KLRK1: variants seen among roughly 807,000 people sequenced by gnomAD.
KLRK1 encodes the protein killer cell lectin like receptor K1.
KLRK1 carries 40 observed loss-of-function variants against 31.3 expected under a neutral mutation model. The observed-to-expected ratio is 1.28, with a 90% confidence interval of 0.99 to 1.67. The LOEUF (loss-of-function observed/expected upper bound fraction) is 1.67, where lower values mean the gene tolerates loss of function less well. KLRK1 is among the 40% of genes most tolerant of loss of function. The pLI is 0.00. For synonymous variants in KLRK1, 77 were observed against 77.3 expected (o/e 1.00, Z 0.02); for missense variants, 251 against 260.0 (o/e 0.97, Z 0.24).
chr12:10,382,790 A>G (rs1565493582), intron 3 of KLRK1, among the ~76,000 whole-genome samples: 1 of 152,214 alleles, frequency 6.6e-6, no homozygotes, highest in East Asian at 1.9e-4. Context: ...ATTTATTAAG[A>G]GATAGTCAAT....
chr12:10,380,285 T>C (rs1249576703), intron 3 of KLRK1, among the ~76,000 whole-genome samples: 1 of 152,146 alleles, frequency 6.6e-6, no homozygotes, highest in African/African-American at 2.4e-5. Flanking sequence ...CAGGACGGTC[T>C]CGATCTCCTG....
chr12:10,378,708 G>A lies in KLRK1; in HGVS notation c.278-3C>T, dbSNP rs1194983814. ...AGGACATGGGCCACAGTAACTTTCT[G>A]GAAAAGGAGAATATATTATTAATTC... On this transcript the variant is annotated splice_region_variant and splice_polypyrimidine_tract_variant and intron_variant, in intron 5 of 7. Coordinates refer to ENST00000240618, the MANE Select transcript of KLRK1 (RefSeq NM_007360.4). The A allele has an allele frequency of 1.3e-6, 2 of 1,589,644 alleles. No individual in the cohort carries two copies. Among genetic ancestry groups the A allele is most frequent in the East Asian group, 2.2e-5 (1 of 44,628 alleles).
At chr12:10,389,352 T>C (rs932985971) in intron 1 of KLRK1, among the ~76,000 whole-genome samples, 10 of 151,998 alleles carry the variant, frequency 6.6e-5, no homozygotes, top group African/African-American at 2.4e-4. Flanking sequence ...CGTGCCCATA[T>C]CATCATCATC....
chr12:10,372,958 T>G lies in KLRK1; in HGVS notation c.*156A>C. ...AGAATCATGCATGTTTGCAGTGAAA[T>G]TGTTCTATGGTTTGGTCCTGTGGAG... is the stretch of plus-strand genomic sequence containing the variant. On this transcript the variant is annotated 3_prime_UTR_variant, in exon 8 of 8. Transcript: ENST00000240618. The G allele has an allele frequency of 1.6e-6, 1 of 626,000 alleles. No individual in the cohort carries two copies. The highest frequency in any genetic ancestry group is 1.9e-5 in the South Asian group (1 of 51,714). The allele number at this position is 626,000 out of a possible 1,614,324, so 38.8% of individuals were successfully genotyped here.
At chr12:10,378,324 ACT>A in intron 6 of KLRK1, 89 bp from the exon 7 acceptor site, 1 of 1,432,678 alleles carries the variant, frequency 7.0e-7, no homozygotes, top group Non-Finnish European at 9.6e-7. Flanking sequence ...CTGTTCTCAC[ACT>A]TGTAAAAAAA....
chr12:10,374,600 G>A (rs1173182955), intron 7 of KLRK1, among the ~76,000 whole-genome samples: 1 of 150,038 alleles, frequency 6.7e-6, no homozygotes, highest in African/African-American at 2.5e-5. Flanking sequence ...TCACCATGTT[G>A]GCCAAGCTGG....
chr12:10,388,836 C>A lies in KLRK1; in HGVS notation c.-26G>T, dbSNP rs376415496. On this transcript the variant is annotated 5_prime_UTR_variant, in exon 2 of 8. Coordinates refer to ENST00000240618, the MANE Select transcript of KLRK1 (RefSeq NM_007360.4). Reference sequence around the variant, plus strand: ...CAAATACTTATAAGTGCACGTCTACCGCAGAGAGGAATCTAAAGTCTTCAA... The same window carrying A: ...CAAATACTTATAAGTGCACGTCTACAGCAGAGAGGAATCTAAAGTCTTCAA... 6.2e-7 allele frequency: 1 copy of A among 1,613,344 alleles called. No homozygotes were observed. The highest frequency in any genetic ancestry group is 1.7e-5 in the Admixed American group (1 of 59,920).
chr12:10,378,734 T>G, intron 5 of KLRK1, 29 bp from the exon 6 acceptor site: 1 of 1,571,990 alleles, frequency 6.4e-7, no homozygotes, highest in Non-Finnish European at 8.6e-7. Context: ...TTATTAATTC[T>G]ACACATCTGA....
In KLRK1 at chr12:10,379,793, C is replaced by T; in HGVS notation, c.149-1G>A. ...AAGCAGCAGAAAAAAAATGGAGATG[C>T]TGTCAAAGAAAAAAGACACAGATCA... is the stretch of plus-strand genomic sequence containing the variant. On this transcript the variant is annotated splice_acceptor_variant, in intron 3 of 7. Transcript: ENST00000240618. LOFTEE classifies it high-confidence loss of function. 1 of 1,609,448 alleles carries T rather than the reference C, an allele frequency of 6.2e-7. No homozygotes were observed.
chr12:10,389,520 G>C (rs1314044057), intron 1 of KLRK1, among the ~76,000 whole-genome samples: 1 of 152,114 alleles, frequency 6.6e-6, no homozygotes, highest in East Asian at 1.9e-4. Context: ...ATTTGATTAT[G>C]ATAGTTGGAA....
At chr12:10,387,074 TA>T in intron 2 of KLRK1, 64 bp from the exon 3 acceptor site, 2 of 1,343,298 alleles carry the variant, frequency 1.5e-6, no homozygotes, top group Non-Finnish European at 2.0e-6. Context: ...GCATAAATTT[TA>T]AAAATTCAGC....
intron 4 of KLRK1, 31 bp from the exon 5 acceptor site, chr12:10,379,513 T>C: frequency 7.2e-7 from 1 of 1,396,044 alleles, no homozygotes; most frequent in South Asian, 1.4e-5. Context: ...ATTAAAAGTT[T>C]GTATTGTTAG....
chr12:10,373,220 A>G lies in KLRK1; in HGVS notation c.545T>C (p.Ile182Thr), dbSNP rs777255043. 3.1e-6 allele frequency: 5 copies of G among 1,594,860 alleles called. No homozygotes were observed. Among genetic ancestry groups the G allele is most frequent in the South Asian group, 2.3e-5 (2 of 86,458 alleles). The change falls in exon 8 of 8, where the codon ATT (isoleucine) becomes ACT (threonine). Residue 182 changes from isoleucine to threonine, a missense_variant. Ile to Thr is a moderately conservative substitution (Grantham distance 89, BLOSUM62 -1). Coordinates refer to ENST00000240618, the MANE Select transcript of KLRK1 (RefSeq NM_007360.4). ...TGCACAGTCTCCCTTCTGCATTTCAATTATTGTTAGTCTAGAGGAGAGACA... is the reference window on the plus strand; with the variant it reads ...TGCACAGTCTCCCTTCTGCATTTCAGTTATTGTTAGTCTAGAGGAGAGACA... The part of the protein sequence containing the change: ...SILSPNLLTI[I>T]EMQKGDCALY...
At chr12:10,387,064 G>C (rs1863179240) in intron 2 of KLRK1, 54 bp from the exon 3 acceptor site, 1 of 1,435,284 alleles carries the variant, frequency 7.0e-7, no homozygotes, top group Admixed American at 2.2e-5. Context: ...GCCATTTGGG[G>C]CATAAATTTT....
rs777308041 is a variant in KLRK1, at chr12:10,388,805, C to T, written c.6G>A (p.Gly2=). The change falls in exon 2 of 8, where the codon GGG becomes GGA. Residue 2 remains glycine, a synonymous_variant. Transcript: ENST00000240618. M[G]WIRGRRSRHS... ...GTCGAGACCTCCGACCACGAATCCA[C>T]CCCATCAAATACTTATAAGTGCACG... The T allele has an allele frequency of 4.3e-6, 7 of 1,613,784 alleles. No individual in the cohort carries two copies. Among genetic ancestry groups the T allele is most frequent in the Middle Eastern group, 1.6e-4 (1 of 6,082 alleles).
At chr12:10,386,580 C>T (rs1195435299) in intron 3 of KLRK1, among the ~76,000 whole-genome samples, 4 of 151,878 alleles carry the variant, frequency 2.6e-5, no homozygotes, top group African/African-American at 9.7e-5. Flanking sequence ...GAACATATCT[C>T]TGGAGGGTTT....
intron 2 of KLRK1, among the ~76,000 whole-genome samples, chr12:10,387,711 A>G (rs1354535082): frequency 1.3e-5 from 2 of 151,634 alleles, no homozygotes; most frequent in African/African-American, 4.8e-5. Flanking sequence ...ATACCTGGCT[A>G]ATTTTTGTAT....
chr12:10,389,007 A>C, intron 1 of KLRK1, 132 bp from the exon 2 acceptor site: 1 of 540,326 alleles, frequency 1.9e-6, no homozygotes, highest in Non-Finnish European at 3.2e-6. Flanking sequence ...AGAAATGACA[A>C]TTCACATAAA....
chr12:10,374,728 C>CTGTT (rs1402767844), intron 7 of KLRK1, among the ~76,000 whole-genome samples: 3 of 152,070 alleles, frequency 2.0e-5, no homozygotes, highest in Admixed American at 6.5e-5. Context: ...ATTTCTTTCT[C>CTGTT]TGTTTTTTCA....
Sources: allele counts gnomAD v4.1 joint callset (sites outside exome capture counted in the v4.1 genomes callset), GRCh38; gene constraint gnomAD v4.1.1; transcripts MANE v1.5; gene names NCBI Gene and HGNC (gene_info 2026-07-23, HGNC 2026-07-21).